The following ATP8A2 variants were observed in gnomAD, a reference collection of about 807,000 sequenced individuals.
ATP8A2 encodes the protein phospholipid-transporting ATPase IB.
Under a neutral mutation model 165.6 loss-of-function variants are expected in ATP8A2, and 100 were observed. The ratio of observed to expected loss-of-function variants is 0.60; its 90% CI spans 0.51 to 0.71. ATP8A2 has a LOEUF of 0.71. ATP8A2 is among the 30% of genes least tolerant of loss of function. ATP8A2 has a pLI of 0.00. For synonymous variants in ATP8A2, 543 were observed against 548.8 expected (o/e 0.99, Z 0.15); for missense variants, 1,227 against 1,479.5 (o/e 0.83, Z 2.80).
At chr13:25,791,689 T>A (rs1447545065) in intron 27 of ATP8A2, among the ~76,000 whole-genome samples, 1 of 152,140 alleles carries the variant, frequency 6.6e-6, no homozygotes, top group African/African-American at 2.4e-5. Context: ...TTTCAAAGCC[T>A]ATTCATCATC....
At chr13:25,666,149 C>CCCAATAAAATAATAAAATAATA (rs1566028407) in intron 24 of ATP8A2, among the ~76,000 whole-genome samples, 2 of 151,848 alleles carry the variant, frequency 1.3e-5, no homozygotes, top group South Asian at 4.2e-4. Flanking sequence ...TTTCTTGGAA[C>CCCAATAAAATAATAAAATAATA]ATTTTAATTA....
intron 27 of ATP8A2, among the ~76,000 whole-genome samples, chr13:25,787,135 G>T (rs141905368): frequency 6.6e-6 from 1 of 152,280 alleles, no homozygotes; most frequent in Non-Finnish European, 1.5e-5. Flanking sequence ...ACCAGGAAGT[G>T]GGCTTGCTTC....
At chr13:25,679,339 G>A (rs1283724524) in intron 24 of ATP8A2, among the ~76,000 whole-genome samples, 1 of 152,170 alleles carries the variant, frequency 6.6e-6, no homozygotes, top group Non-Finnish European at 1.5e-5. Flanking sequence ...GACTGAGTTT[G>A]GAAGCCAGCC....
rs538974849 is a variant in ATP8A2, at chr13:25,452,955, C to A, written c.77-16022C>A. ...ACTAAAAATACAAAAATTAGCCATG[C>A]ATGGTGGTGGGCGCCGGTAATTCCA... On this transcript the variant is annotated intron_variant, in intron 1 of 36. Transcript: ENST00000381655. Among the ~76,000 whole-genome samples the A allele has an allele frequency of 1.1e-3, 162 of 151,240 alleles. 1 individual carries two copies. Among genetic ancestry groups the A allele is most frequent in the Middle Eastern group, 3.4e-3 (1 of 292 alleles).
chr13:25,831,039 A>C (rs2138617403), intron 28 of ATP8A2, among the ~76,000 whole-genome samples: 1 of 152,222 alleles, frequency 6.6e-6, no homozygotes, highest in East Asian at 1.9e-4. Context: ...GACTGCCTGC[A>C]AGAGAACATT....
At chr13:25,744,325 A>ACCCGCCC (rs2043981047) in intron 25 of ATP8A2, among the ~76,000 whole-genome samples, 1 of 148,416 alleles carries the variant, frequency 6.7e-6, no homozygotes, top group African/African-American at 2.5e-5. Context: ...CTCACTCACC[A>ACCCGCCC]CCCCCCCGTG....
At chr13:25,480,645 G>T (rs1441988492) in intron 2 of ATP8A2, among the ~76,000 whole-genome samples, 1 of 151,268 alleles carries the variant, frequency 6.6e-6, no homozygotes, top group Non-Finnish European at 1.5e-5. Flanking sequence ...GATGGCGGCC[G>T]GGCAGAGATG....
intron 27 of ATP8A2, among the ~76,000 whole-genome samples, chr13:25,791,733 G>A (rs185865221): frequency 2.0e-5 from 3 of 152,142 alleles, no homozygotes; most frequent in Non-Finnish European, 2.9e-5. Context: ...TTTGCCTTCT[G>A]TGGAGCTCTT....
At chr13:25,774,361 A>G (rs1261131532) in intron 26 of ATP8A2, among the ~76,000 whole-genome samples, 1 of 152,164 alleles carries the variant, frequency 6.6e-6, no homozygotes, top group African/African-American at 2.4e-5. Flanking sequence ...CTGAACAATG[A>G]GAACACATGG....
At chr13:25,741,072 A>G (rs2043900593) in intron 25 of ATP8A2, among the ~76,000 whole-genome samples, 1 of 152,218 alleles carries the variant, frequency 6.6e-6, no homozygotes, top group Admixed American at 6.5e-5. Context: ...TAAGAACTAT[A>G]TAAGAAAATA....
intron 24 of ATP8A2, among the ~76,000 whole-genome samples, chr13:25,670,218 C>T (rs2042236366): frequency 6.6e-6 from 1 of 152,208 alleles, no homozygotes; most frequent in Non-Finnish European, 1.5e-5. Flanking sequence ...GTGCCCTACT[C>T]CACCATTTTG....
Position 26,023,429 on chromosome 13 carries a change from A to C in ATP8A2, c.*3444A>C, listed in dbSNP as rs1957114580. The C allele has an allele frequency of 6.6e-6, 1 of 152,138 alleles. No individual in the cohort carries two copies. Among genetic ancestry groups the C allele is most frequent in the Non-Finnish European group, 1.5e-5 (1 of 68,030 alleles). 9.4% of individuals were successfully genotyped at this position (152,138 alleles called of 1,614,324 possible). ...GACAAGGCTTCAGGTTCGTCTCACT[A>C]TAGGGAGCTGGCTGTGAAAATCAGT... On this transcript the variant is annotated 3_prime_UTR_variant, in exon 37 of 37. Coordinates refer to ENST00000381655, the MANE Select transcript of ATP8A2 (RefSeq NM_016529.6).
chr13:25,386,508 C>T (rs1044416543), intron 1 of ATP8A2, among the ~76,000 whole-genome samples: 1 of 152,174 alleles, frequency 6.6e-6, no homozygotes, highest in Non-Finnish European at 1.5e-5. Flanking sequence ...AATGGTTCTT[C>T]CCTTGGAATC....
intron 33 of ATP8A2, among the ~76,000 whole-genome samples, chr13:25,915,620 G>A (rs183981425): frequency 7.8e-4 from 118 of 152,252 alleles, no homozygotes; most frequent in Middle Eastern, 6.8e-3. Flanking sequence ...TCTTGCCAGC[G>A]CTTCCCACTG....
At chr13:25,991,745 G>A (rs112675690) in intron 35 of ATP8A2, among the ~76,000 whole-genome samples, 5,248 of 152,178 alleles carry the variant, frequency 0.034, 117 homozygotes, top group Non-Finnish European at 0.052. Flanking sequence ...CCATTCATCC[G>A]TTGAAGGAGA....
intron 27 of ATP8A2, among the ~76,000 whole-genome samples, chr13:25,782,468 C>G (rs2044905457): frequency 6.6e-6 from 1 of 152,146 alleles, no homozygotes; most frequent in Non-Finnish European, 1.5e-5. Context: ...CTGGGACATG[C>G]TGCACAGAGT....
intron 10 of ATP8A2, among the ~76,000 whole-genome samples, chr13:25,548,168 G>A (rs1052032517): frequency 6.6e-6 from 1 of 152,214 alleles, no homozygotes; most frequent in Admixed American, 6.5e-5. Context: ...AGAGGTTGCA[G>A]TGATCCATGA....
intron 25 of ATP8A2, among the ~76,000 whole-genome samples, chr13:25,731,314 G>A (rs1430598504): frequency 1.8e-5 from 2 of 109,266 alleles, no homozygotes; most frequent in Non-Finnish European, 3.8e-5. Context: ...GAAAAGACCG[G>A]AAGGAGAGAG....
At chr13:25,794,859 A>ACACACACACACACACACC (rs1378534914) in intron 27 of ATP8A2, among the ~76,000 whole-genome samples, 2 of 143,604 alleles carry the variant, frequency 1.4e-5, no homozygotes, top group African/African-American at 2.6e-5. Flanking sequence ...ACACACACAC[A>ACACACACACACACACACC]CCTTCTCTCT....
Sources: gnomAD v4.1 joint callset for allele counts (sites outside exome capture counted in the v4.1 genomes callset) on GRCh38, gnomAD v4.1.1 for gene constraint, MANE v1.5 for transcripts, NCBI Gene and HGNC (gene_info 2026-07-23, HGNC 2026-07-21) for gene names.